MEGF11: variants seen among roughly 807,000 people sequenced by gnomAD.
MEGF11 encodes multiple epidermal growth factor-like domains protein 11.
In MEGF11, 126 loss-of-function variants were observed where a neutral mutation model predicts 146.6. The observed-to-expected ratio is 0.86, with a 90% CI of 0.74 to 1.00. The LOEUF (loss-of-function observed/expected upper bound fraction) is 1.00. Ranked by LOEUF, MEGF11 falls within the 50% of genes least tolerant of loss-of-function variation. The probability of loss-of-function intolerance (pLI) is 0.00; values close to 1 mark genes in which losing one functional copy is unlikely to be tolerated. For missense variants in MEGF11, 1,509 were observed against 1,521.2 expected, an observed-to-expected ratio of 0.99 and a Z score of 0.13; for synonymous variants, 532 against 583.4, an observed-to-expected ratio of 0.91 and a Z score of 1.27.
At chr15:66,252,540 G>T (rs999703520) in intron 1 of MEGF11, among the ~76,000 whole-genome samples, 1 of 152,146 alleles carries the variant, frequency 6.6e-6, no homozygotes, top group Non-Finnish European at 1.5e-5. Flanking sequence ...CGCGGCTGCC[G>T]CTGGATGGAG....
At chr15:66,062,723 G>A (rs1243392289) in intron 5 of MEGF11, among the ~76,000 whole-genome samples, 1 of 152,210 alleles carries the variant, frequency 6.6e-6, no homozygotes, top group Non-Finnish European at 1.5e-5. Flanking sequence ...TCTTTCTACA[G>A]CAATAGAAAG....
chr15:66,246,915 C>T (rs1452387075), intron 1 of MEGF11, among the ~76,000 whole-genome samples: 2 of 152,082 alleles, frequency 1.3e-5, no homozygotes, highest in Admixed American at 6.5e-5. Flanking sequence ...CCAGGGCTGG[C>T]GAGGGAGTCA....
At chr15:66,138,385 G>A (rs1449282652) in intron 1 of MEGF11, among the ~76,000 whole-genome samples, 3 of 152,180 alleles carry the variant, frequency 2.0e-5, no homozygotes, top group Non-Finnish European at 2.9e-5. Context: ...ACATTATGCC[G>A]TTTCAAAGAC....
At chr15:66,163,529 C>T (rs566662513) in intron 1 of MEGF11, among the ~76,000 whole-genome samples, 5 of 152,304 alleles carry the variant, frequency 3.3e-5, no homozygotes, top group African/African-American at 4.8e-5. Flanking sequence ...GGCCCTTTCC[C>T]GCCTGGAAGT....
chr15:66,023,029 T>C (rs2083207851), intron 5 of MEGF11, among the ~76,000 whole-genome samples: 1 of 149,560 alleles, frequency 6.7e-6, no homozygotes, highest in Non-Finnish European at 1.5e-5. Context: ...GGTGGATACC[T>C]GTAATCCCAC....
chr15:65,993,352 C>T (rs961642254), intron 5 of MEGF11, among the ~76,000 whole-genome samples: 4 of 152,136 alleles, frequency 2.6e-5, no homozygotes, highest in Non-Finnish European at 5.9e-5. Context: ...CTGCTCAAAG[C>T]CCTCCCCTCC....
intron 1 of MEGF11, among the ~76,000 whole-genome samples, chr15:66,156,452 C>T (rs944764642): frequency 2.6e-5 from 4 of 152,150 alleles, no homozygotes; most frequent in Middle Eastern, 3.2e-3. Flanking sequence ...CAGGCAGCCT[C>T]ACCTTGCACG....
intron 4 of MEGF11, among the ~76,000 whole-genome samples, chr15:66,113,430 C>T (rs571317521): frequency 6.9e-4 from 105 of 152,196 alleles, no homozygotes; most frequent in African/African-American, 2.5e-3. Context: ...GTTCATTTGC[C>T]GGGGGGAAAC....
intron 1 of MEGF11, among the ~76,000 whole-genome samples, chr15:66,245,448 C>T (rs1207264602): frequency 7.0e-6 from 1 of 143,172 alleles, no homozygotes; most frequent in African/African-American, 2.6e-5. Flanking sequence ...GGTAATATAG[C>T]AAGACCCATC....
Position 66,062,585 on chromosome 15 carries a change from C to T in MEGF11, c.394+31817G>A, listed in dbSNP as rs143957295. 5.3e-4 allele frequency among the ~76,000 whole-genome samples: 81 copies of T among 152,302 alleles called. No homozygotes were observed. In the East Asian group the frequency reaches 0.014, roughly 26 times the overall value. On this transcript the variant is annotated intron_variant, in intron 5 of 25. Coordinates refer to ENST00000395614, the MANE Select transcript of MEGF11 (RefSeq NM_001385028.1). Reference sequence around the variant, plus strand: ...ATCCTCTGATGAGACTGCAGCCCACCGACACCTTGGTTGTAACCTTGTGAG... The same window carrying T: ...ATCCTCTGATGAGACTGCAGCCCACTGACACCTTGGTTGTAACCTTGTGAG...
chr15:66,134,811 A>G (rs1330864784), intron 1 of MEGF11, among the ~76,000 whole-genome samples: 4 of 152,270 alleles, frequency 2.6e-5, no homozygotes, highest in Non-Finnish European at 4.4e-5. Context: ...ACAGCAAGCC[A>G]CATGGTGTCA....
intron 10 of MEGF11, among the ~76,000 whole-genome samples, chr15:65,950,733 C>G (rs1354113890): frequency 6.6e-6 from 1 of 152,142 alleles, no homozygotes; most frequent in East Asian, 1.9e-4. Flanking sequence ...GAATTTGGCA[C>G]CAGAGTCTCT....
intron 1 of MEGF11, among the ~76,000 whole-genome samples, chr15:66,136,038 T>G (rs1476706074): frequency 2.6e-5 from 4 of 152,186 alleles, no homozygotes; most frequent in Admixed American, 2.6e-4. Context: ...ACTTCAGGTT[T>G]GCGCCATCTC....
At chr15:65,925,755 T>A (rs1352373702) in intron 13 of MEGF11, among the ~76,000 whole-genome samples, 1 of 152,142 alleles carries the variant, frequency 6.6e-6, no homozygotes, top group African/African-American at 2.4e-5. Context: ...AATCCATACA[T>A]GTTGATCTCT....
At chr15:66,012,414 C>T (rs9920551) in intron 5 of MEGF11, among the ~76,000 whole-genome samples, 3,146 of 152,234 alleles carry the variant, frequency 0.021, 97 homozygotes, top group African/African-American at 0.07. Flanking sequence ...GTCTGGGACT[C>T]ATGTGGGATG....
intron 5 of MEGF11, among the ~76,000 whole-genome samples, chr15:66,043,101 T>C (rs1393288950): frequency 6.6e-6 from 1 of 152,216 alleles, no homozygotes; most frequent in Non-Finnish European, 1.5e-5. Flanking sequence ...CTGTTTCTTA[T>C]GGTAAATATT....
At chr15:65,938,770 C>G (rs918465098) in intron 10 of MEGF11, among the ~76,000 whole-genome samples, 2 of 152,246 alleles carry the variant, frequency 1.3e-5, no homozygotes, top group Non-Finnish European at 2.9e-5. Context: ...ACTAAAGATG[C>G]AAATCGCTCC....
intron 1 of MEGF11, among the ~76,000 whole-genome samples, chr15:66,204,095 A>T (rs1188622070): frequency 6.6e-6 from 1 of 152,036 alleles, no homozygotes; most frequent in African/African-American, 2.4e-5. Context: ...GGGGAAAAAA[A>T]AAAAGGTTCT....
At chr15:65,978,186 G>A (rs2081513785) in intron 7 of MEGF11, among the ~76,000 whole-genome samples, 1 of 152,222 alleles carries the variant, frequency 6.6e-6, no homozygotes, top group African/African-American at 2.4e-5. Context: ...TGGAAAATGT[G>A]TGGTTGAAGT....
Sources: allele counts gnomAD v4.1 joint callset (sites outside exome capture counted in the v4.1 genomes callset), GRCh38; gene constraint gnomAD v4.1.1; transcripts MANE v1.5; gene names NCBI Gene and HGNC (gene_info 2026-07-23, HGNC 2026-07-21).